Variants in DCAKD observed in about 807,000 individuals in gnomAD.
DCAKD encodes the protein dephospho-CoA kinase domain-containing protein.
In DCAKD, 15 loss-of-function variants were observed where a neutral mutation model predicts 18.7. That is an observed-to-expected ratio of 0.80 (90% CI 0.54 to 1.24). The LOEUF is 1.24. Among genes scored for constraint, DCAKD ranks in the 50% most tolerant of loss-of-function variants. The pLI is 0.00. For missense variants in DCAKD, 301 were observed against 322.0 expected (o/e 0.93, Z 0.50); for synonymous variants, 130 against 133.0 (o/e 0.98, Z 0.16).
chr17:45,037,679 C>T (rs1033619824), intron 1 of DCAKD, among the ~76,000 whole-genome samples: 4 of 151,824 alleles, frequency 2.6e-5, no homozygotes, highest in African/African-American at 9.7e-5. Context: ...TGGCTGGTCT[C>T]GAACTCCTGA....
chr17:45,036,115 T>C (rs1414741721), intron 1 of DCAKD, among the ~76,000 whole-genome samples: 1 of 152,194 alleles, frequency 6.6e-6, no homozygotes, highest in East Asian at 1.9e-4. Context: ...GGTTGGGGCA[T>C]GGCTTCTTCA....
intron 1 of DCAKD, among the ~76,000 whole-genome samples, chr17:45,057,692 G>A (rs1326062221): frequency 1.5e-5 from 2 of 136,822 alleles, no homozygotes; most frequent in African/African-American, 2.8e-5. Context: ...AACAGAGTGC[G>A]ACTCCATCTC....
intron 1 of DCAKD, among the ~76,000 whole-genome samples, chr17:45,044,510 A>G (rs1018132401): frequency 2.0e-5 from 3 of 152,036 alleles, no homozygotes; most frequent in Non-Finnish European, 2.9e-5. Context: ...TGGCCAACAT[A>G]GCAAAATCCT....
rs113625136 is a variant in DCAKD at position 45,037,266 on chromosome 17, G to A, written c.-114-2267C>T. On this transcript the variant is annotated intron_variant, in intron 1 of 4. Coordinates refer to ENST00000651974, the MANE Select transcript of DCAKD (RefSeq NM_001288655.2). ...GGATTGCTTGAGACCAGGAGTTCGA[G>A]GCCAGCCTGGGCAATACAGCAAGGC... Among the ~76,000 whole-genome samples, 1,465 of 151,968 alleles carry A rather than the reference G, an allele frequency of 9.6e-3. 19 individuals carry two copies. The highest frequency in any genetic ancestry group is 0.034 in the African/African-American group (1,397 of 41,438).
At chr17:45,031,362 G>A in intron 3 of DCAKD, 1 of 984,724 alleles carries the variant, frequency 1.0e-6, no homozygotes, top group Non-Finnish European at 1.2e-6. Flanking sequence ...ACCTTGGTTG[G>A]TAGCCCCCCC....
At chr17:45,055,334 C>T (rs2053769388), upstream of DCAKD, among the ~76,000 whole-genome samples, 1 of 151,646 alleles carries the variant, frequency 6.6e-6, no homozygotes, top group South Asian at 2.1e-4. Context: ...ACTCCTTTGG[C>T]TCCTGGTTTT....
At chr17:45,034,687 A>C (rs1451830888) in intron 2 of DCAKD, 87 bp downstream of exon 2, 1 of 1,405,814 alleles carries the variant, frequency 7.1e-7, no homozygotes, top group Non-Finnish European at 9.8e-7. Flanking sequence ...CCCTCCTCTG[A>C]GACTTATAAA....
At chr17:45,041,984 CAT>C (rs1430173788) in intron 1 of DCAKD, among the ~76,000 whole-genome samples, 1 of 151,790 alleles carries the variant, frequency 6.6e-6, no homozygotes, top group Non-Finnish European at 1.5e-5. Context: ...GGCATGATGG[CAT>C]ATGTCTGTAG....
At chr17:45,050,278 G>T (rs1367151444) in intron 1 of DCAKD, among the ~76,000 whole-genome samples, 1 of 151,654 alleles carries the variant, frequency 6.6e-6, no homozygotes, top group Non-Finnish European at 1.5e-5. Context: ...TCCTAACCTC[G>T]GGTGATCCAC....
intron 1 of DCAKD, among the ~76,000 whole-genome samples, chr17:45,038,785 A>G (rs2053363203): frequency 6.6e-6 from 1 of 152,122 alleles, no homozygotes; most frequent in African/African-American, 2.4e-5. Context: ...AGGAAGGCCA[A>G]GCGGACAAAG....
intron 1 of DCAKD, among the ~76,000 whole-genome samples, chr17:45,048,181 G>C (rs1215768071): frequency 6.6e-6 from 1 of 151,246 alleles, no homozygotes; most frequent in African/African-American, 2.4e-5. Context: ...TTGAGGCCAG[G>C]AGTTCAAGAC....
At chr17:45,035,034 G>A (rs1248221891) in intron 1 of DCAKD, 35 bp from the exon 2 acceptor site, 2 of 720,516 alleles carry the variant, frequency 2.8e-6, no homozygotes, top group South Asian at 1.8e-5. Context: ...TGATCAGTTT[G>A]GGCCAAAATA....
rs1008480054 is a variant in DCAKD, at chr17:45,023,796, G to C, written c.*637C>G. On this transcript the variant is annotated 3_prime_UTR_variant, in exon 5 of 5. Coordinates refer to ENST00000651974, the MANE Select transcript of DCAKD (RefSeq NM_001288655.2). Reference sequence around the variant, plus strand: ...TGTGGGAGCACTACACAAACCCTACGTGGGGAGAGGGGTCTCCCAGAAGAG... The same window carrying C: ...TGTGGGAGCACTACACAAACCCTACCTGGGGAGAGGGGTCTCCCAGAAGAG... 8.5e-5 allele frequency: 13 copies of C among 152,604 alleles called. No homozygotes were observed. The highest frequency in any genetic ancestry group is 5.9e-5 in the Non-Finnish European group (4 of 68,372). The allele number at this position is 152,604 out of a possible 1,614,324, so 9.5% of individuals were successfully genotyped here.
At position 45,031,975 on chromosome 17, in the gene DCAKD, C is replaced by T. The variant is rs1057257547; in HGVS notation, c.317-1796G>A. 4 of 985,204 alleles carry T rather than the reference C, an allele frequency of 4.1e-6. No individual in the cohort carries two copies. The African/African-American group carries it at 7.0e-5, about 17-fold the overall frequency. The allele number at this position is 985,204 out of a possible 1,614,324, so 61.0% of individuals were successfully genotyped here. On this transcript the variant is annotated intron_variant, in intron 3 of 4. Transcript: ENST00000651974. ...TATCGAGCTCAAAAGGGCTCTCTGG[C>T]TTTTATTTAAGTGGTGGTGGTTGGG...
At chr17:45,046,878 C>T (rs1012202146) in intron 1 of DCAKD, among the ~76,000 whole-genome samples, 2 of 152,004 alleles carry the variant, frequency 1.3e-5, no homozygotes, top group Non-Finnish European at 2.9e-5. Context: ...GTGAGGTGCA[C>T]GGTCCCACAG....
intron 3 of DCAKD, chr17:45,030,951 G>C: frequency 1.0e-6 from 1 of 984,252 alleles, no homozygotes. Context: ...CACTGTGAGT[G>C]AGCACATCCG....
intron 3 of DCAKD, chr17:45,031,967 C>T (rs2053178809): frequency 1.0e-6 from 1 of 985,384 alleles, no homozygotes; most frequent in South Asian, 4.7e-5. Flanking sequence ...CTCAAAAGGG[C>T]TCTCTGGCTT....
intron 1 of DCAKD, among the ~76,000 whole-genome samples, chr17:45,058,041 G>T (rs1205609351): frequency 6.8e-6 from 1 of 147,830 alleles, no homozygotes; most frequent in African/African-American, 2.5e-5. Flanking sequence ...AAGCCTGGGC[G>T]TGGTGGCTCA....
intron 1 of DCAKD, among the ~76,000 whole-genome samples, chr17:45,058,611 G>A (rs1354735830): frequency 6.6e-6 from 1 of 151,472 alleles, no homozygotes; most frequent in Middle Eastern, 3.2e-3. Context: ...CAGTAGAGAC[G>A]GGGTTTCGCC....
Sources: gnomAD v4.1 joint callset for allele counts (sites outside exome capture counted in the v4.1 genomes callset) on GRCh38, gnomAD v4.1.1 for gene constraint, MANE v1.5 for transcripts, NCBI Gene and HGNC (gene_info 2026-07-23, HGNC 2026-07-21) for gene names.